Variants in NALCN observed in about 807,000 individuals in gnomAD.
NALCN encodes the protein sodium leak channel NALCN.
A neutral mutation model predicts 225.3 loss-of-function variants in NALCN; 111 were observed. The ratio of observed to expected loss-of-function variants is 0.49; its 90% CI spans 0.42 to 0.58. The LOEUF (loss-of-function observed/expected upper bound fraction) is 0.58. Among genes scored for constraint, NALCN ranks in the 20% least tolerant of loss-of-function variants. The pLI, the probability that NALCN is intolerant of heterozygous loss-of-function variation, is 0.00. For synonymous variants in NALCN, 764 were observed against 769.0 expected, an observed-to-expected ratio of 0.99 and a Z score of 0.11; for missense variants, 1,378 against 2,202.4, an observed-to-expected ratio of 0.63 and a Z score of 7.49.
At chr13:101,375,239 T>C (rs1298336310) in intron 6 of NALCN, among the ~76,000 whole-genome samples, 1 of 152,210 alleles carries the variant, frequency 6.6e-6, no homozygotes, top group Non-Finnish European at 1.5e-5. Context: ...ATGCCTTTAC[T>C]ATGTGCTGGT....
chr13:101,119,104 C>T (rs962241009), intron 18 of NALCN, among the ~76,000 whole-genome samples: 9 of 152,104 alleles, frequency 5.9e-5, no homozygotes, highest in East Asian at 5.8e-4. Flanking sequence ...AGATATTTCT[C>T]GAATGAATGC....
At chr13:101,082,926 G>A in intron 32 of NALCN, 43 bp from the exon 33 acceptor site, 1 of 1,608,250 alleles carries the variant, frequency 6.2e-7, no homozygotes, top group Non-Finnish European at 8.5e-7. Flanking sequence ...ACGTCCATCG[G>A]ACACATACAG....
At chr13:101,368,316 C>T (rs2139390080) in intron 6 of NALCN, among the ~76,000 whole-genome samples, 1 of 152,150 alleles carries the variant, frequency 6.6e-6, no homozygotes, top group East Asian at 1.9e-4. Flanking sequence ...ATCCACGTCC[C>T]TACCAAGGAC....
At chr13:101,074,877 C>G (rs1367661991) in intron 35 of NALCN, among the ~76,000 whole-genome samples, 2 of 152,118 alleles carry the variant, frequency 1.3e-5, no homozygotes, top group Non-Finnish European at 2.9e-5. Flanking sequence ...TCTTCAAAAC[C>G]CACCAGGCGT....
intron 13 of NALCN, among the ~76,000 whole-genome samples, chr13:101,205,083 G>T (rs184599867): frequency 6.6e-6 from 1 of 151,958 alleles, no homozygotes; most frequent in African/African-American, 2.4e-5. Context: ...TGTGCTCTTG[G>T]GTGTTACAGG....
intron 11 of NALCN, among the ~76,000 whole-genome samples, chr13:101,240,349 C>T (rs2041713154): frequency 6.6e-6 from 1 of 151,516 alleles, no homozygotes; most frequent in Admixed American, 6.6e-5. Flanking sequence ...TTCTCTCTCT[C>T]TCTCTCTATC....
intron 7 of NALCN, among the ~76,000 whole-genome samples, chr13:101,323,106 T>C (rs1395255729): frequency 6.6e-6 from 1 of 152,224 alleles, no homozygotes; most frequent in Non-Finnish European, 1.5e-5. Context: ...CAGTCATGAC[T>C]TACCATTATT....
At chr13:101,190,762 G>C (rs1334173610) in intron 14 of NALCN, among the ~76,000 whole-genome samples, 1 of 152,130 alleles carries the variant, frequency 6.6e-6, no homozygotes, top group Non-Finnish European at 1.5e-5. Context: ...TAGATATTTA[G>C]AATTAAAACT....
At position 101,202,853 on chromosome 13, in the gene NALCN, C is replaced by T. The variant is rs572973286; in HGVS notation, c.1627-10799G>A. ...TCTAGAAGGAATGGCTGAGGGACTGCGTTTAAGATAGAGATTGAATCGCTG... is the reference window on the plus strand; with the variant it reads ...TCTAGAAGGAATGGCTGAGGGACTGTGTTTAAGATAGAGATTGAATCGCTG... On this transcript the variant is annotated intron_variant, in intron 13 of 43. Transcript: ENST00000251127. Among the ~76,000 whole-genome samples, 3 of 152,246 alleles carry T rather than the reference C, an allele frequency of 2.0e-5. 1 individual carries two copies. Among genetic ancestry groups the T allele is most frequent in the Admixed American group, 2.0e-4 (3 of 15,284 alleles).
At chr13:101,131,421 T>C (rs1030202184) in intron 17 of NALCN, among the ~76,000 whole-genome samples, 3 of 152,196 alleles carry the variant, frequency 2.0e-5, no homozygotes, top group Non-Finnish European at 2.9e-5. Context: ...TTAGTATTTC[T>C]CTTCTAACTT....
At chr13:101,200,669 T>C (rs2040081924) in intron 13 of NALCN, among the ~76,000 whole-genome samples, 1 of 152,142 alleles carries the variant, frequency 6.6e-6, no homozygotes, top group African/African-American at 2.4e-5. Context: ...CATAGGGTCA[T>C]GGCAGAGCCA....
chr13:101,144,385 G>C (rs779557410), intron 16 of NALCN, among the ~76,000 whole-genome samples: 1 of 152,166 alleles, frequency 6.6e-6, no homozygotes, highest in Non-Finnish European at 1.5e-5. Flanking sequence ...GGGCCACAGA[G>C]GCAATTTTAG....
chr13:101,234,094 A>G (rs2041459233), intron 12 of NALCN, among the ~76,000 whole-genome samples: 1 of 152,172 alleles, frequency 6.6e-6, no homozygotes, highest in Admixed American at 6.5e-5. Flanking sequence ...TCTATGAACA[A>G]CTAATCTAAA....
intron 10 of NALCN, among the ~76,000 whole-genome samples, chr13:101,281,265 C>T (rs922162848): frequency 2.0e-5 from 3 of 152,164 alleles, no homozygotes; most frequent in South Asian, 2.1e-4. Flanking sequence ...TCAAAACCCA[C>T]ATCACTCTTG....
intron 34 of NALCN, among the ~76,000 whole-genome samples, chr13:101,078,617 T>C (rs9585621): frequency 0.37 from 55,658 of 152,088 alleles, 11,191 homozygotes; most frequent in African/African-American, 0.52. Context: ...TGTACCCCCA[T>C]TGTATCTAGG....
At chr13:101,321,796 G>A (rs1293150778) in intron 7 of NALCN, among the ~76,000 whole-genome samples, 1 of 152,080 alleles carries the variant, frequency 6.6e-6, no homozygotes, top group Non-Finnish European at 1.5e-5. Flanking sequence ...ATATGAAAGT[G>A]AGTTTCAAAG....
chr13:101,165,333 G>A (rs2038386001), intron 15 of NALCN, among the ~76,000 whole-genome samples: 1 of 152,144 alleles, frequency 6.6e-6, no homozygotes, highest in African/African-American at 2.4e-5. Flanking sequence ...ACCCAGCTCT[G>A]TATCATCGAA....
At chr13:101,131,082 C>A (rs186482080) in intron 17 of NALCN, among the ~76,000 whole-genome samples, 1 of 152,124 alleles carries the variant, frequency 6.6e-6, no homozygotes, top group African/African-American at 2.4e-5. Context: ...ACTTTTGAAT[C>A]ATCTGAGGTC....
intron 18 of NALCN, 148 bp downstream of exon 18, chr13:101,124,460 G>T: frequency 1.5e-6 from 1 of 663,702 alleles, no homozygotes; most frequent in Non-Finnish European, 2.5e-6. Flanking sequence ...CTTTTACATT[G>T]TTTATAAGTA....
Sources: allele counts gnomAD v4.1 joint callset (sites outside exome capture counted in the v4.1 genomes callset), GRCh38; gene constraint gnomAD v4.1.1; transcripts MANE v1.5; gene names NCBI Gene and HGNC (gene_info 2026-07-23, HGNC 2026-07-21).